Variants in CCDC7 observed in about 807,000 individuals in gnomAD.
CCDC7 encodes coiled-coil domain containing 7.
A neutral mutation model predicts 196.9 loss-of-function variants in CCDC7; 183 were observed. That is an observed-to-expected ratio of 0.93 (90% confidence interval 0.82 to 1.05). The LOEUF (loss-of-function observed/expected upper bound fraction) is 1.05. CCDC7 is among the 50% of genes least tolerant of loss of function. The pLI is 0.00. For synonymous variants in CCDC7, 525 were observed against 484.6 expected (o/e 1.08, Z -1.10); for missense variants, 1,540 against 1,482.2 (o/e 1.04, Z -0.64).
chr10:32,577,994 A>G (rs187571748), intron 16 of CCDC7, among the ~76,000 whole-genome samples: 2 of 152,332 alleles, frequency 1.3e-5, no homozygotes, highest in Admixed American at 1.3e-4. Context: ...AATAACTTGA[A>G]GTATTTTTGC....
rs201444404 is a variant in CCDC7, at chr10:32,476,420, TAATC to T, written c.796+2401_796+2404del. 8.6e-3 allele frequency among the ~76,000 whole-genome samples: 1,307 copies of T among 152,342 alleles called. 28 individuals carry two copies. Among genetic ancestry groups the T allele is most frequent in the African/African-American group, 0.029 (1,207 of 41,576 alleles). ...TTATTTCTTTTTAATTGCTGATAAA[TAATC>T]AATTTATGGATTTACTACAATTTAT... On this transcript the variant is annotated intron_variant, in intron 8 of 41. Coordinates refer to ENST00000639629, the Ensembl canonical transcript of CCDC7.
intron 18 of CCDC7, among the ~76,000 whole-genome samples, chr10:32,598,299 C>T (rs969899611): frequency 4.6e-5 from 7 of 152,256 alleles, no homozygotes; most frequent in South Asian, 4.1e-4. Flanking sequence ...TGGGACCCTC[C>T]GAGTCAGGCA....
chr10:32,565,487 T>C, intron 13 of CCDC7, 71 bp from the exon 15 acceptor site: 1 of 1,502,106 alleles, frequency 6.7e-7, no homozygotes, highest in Non-Finnish European at 9.0e-7. Flanking sequence ...TTTGGAAAAG[T>C]AATACTGGTA....
intron 28 of CCDC7, among the ~76,000 whole-genome samples, chr10:32,753,905 A>G (rs916810693): frequency 6.6e-6 from 1 of 152,140 alleles, no homozygotes; most frequent in African/African-American, 2.4e-5. Context: ...GTGAGTAGAT[A>G]TACATCTGTT....
chr10:32,817,308 A>T (rs1190162947), intron 31 of CCDC7, among the ~76,000 whole-genome samples: 1 of 152,194 alleles, frequency 6.6e-6, no homozygotes, highest in Non-Finnish European at 1.5e-5. Context: ...AAAGAAACAA[A>T]CAAAGCCTTC....
rs1172514874 is a variant in CCDC7, at chr10:32,815,389, C to A, written c.3181+936C>A. On this transcript the variant is annotated intron_variant, in intron 31 of 41. Transcript: ENST00000639629. ...TAACAATCTTTTATCAAATAGATGTCAACATTGTGATGTAAATTAAATTTT... is the reference window on the plus strand; with the variant it reads ...TAACAATCTTTTATCAAATAGATGTAAACATTGTGATGTAAATTAAATTTT... Among the ~76,000 whole-genome samples, 4 of 151,978 alleles carry A rather than the reference C, an allele frequency of 2.6e-5. No homozygotes were observed. In the East Asian group the frequency reaches 7.7e-4, roughly 29 times the overall value.
chr10:32,723,872 T>G (rs938910883), intron 25 of CCDC7, among the ~76,000 whole-genome samples: 1 of 152,094 alleles, frequency 6.6e-6, no homozygotes, highest in Non-Finnish European at 1.5e-5. Flanking sequence ...CAGGCTATCT[T>G]TCAGTGTCAG....
At chr10:32,605,208 C>T (rs2061446732) in intron 18 of CCDC7, among the ~76,000 whole-genome samples, 1 of 152,142 alleles carries the variant, frequency 6.6e-6, no homozygotes, top group African/African-American at 2.4e-5. Flanking sequence ...CTTCACCAGA[C>T]ACCAAGCAGA....
chr10:32,722,916 C>T (rs772157217), intron 25 of CCDC7, among the ~76,000 whole-genome samples: 17 of 152,120 alleles, frequency 1.1e-4, no homozygotes, highest in Non-Finnish European at 2.4e-4. Context: ...GACCACCGTT[C>T]TTCATAGGCA....
rs140602978 is a variant in CCDC7 at position 32,729,068 on chromosome 10, G to A, written c.2779+71G>A. ...CTCATCAGATCTTTTCCTTTGATTC[G>A]TCAGTGTGTACTTCAGACTATATTT... On this transcript the variant is annotated intron_variant, in intron 27 of 41. Transcript: ENST00000639629. 373 of 1,090,086 alleles carry A rather than the reference G, an allele frequency of 3.4e-4. 1 individual carries two copies. In the African/African-American group the frequency reaches 3.6e-3, roughly 11 times the overall value. The allele number at this position is 1,090,086 out of a possible 1,614,324, so 67.5% of individuals were successfully genotyped here.
At chr10:32,704,741 T>G (rs2079396150) in intron 24 of CCDC7, among the ~76,000 whole-genome samples, 1 of 152,184 alleles carries the variant, frequency 6.6e-6, no homozygotes, top group African/African-American at 2.4e-5. Context: ...ACTGCTGCCT[T>G]GCAGTTTGAT....
chr10:32,685,528 G>A (rs552788812), intron 21 of CCDC7, among the ~76,000 whole-genome samples: 13 of 152,148 alleles, frequency 8.5e-5, no homozygotes, highest in African/African-American at 3.1e-4. Flanking sequence ...ATCCATGACT[G>A]TATTCTCTCC....
chr10:32,651,733 T>A (rs2068799851), intron 20 of CCDC7, among the ~76,000 whole-genome samples: 1 of 152,096 alleles, frequency 6.6e-6, no homozygotes, highest in Admixed American at 6.5e-5. Flanking sequence ...GGCTGACACC[T>A]CTCTGGCGGG....
chr10:32,609,743 C>G (rs895301262), intron 18 of CCDC7, among the ~76,000 whole-genome samples: 6 of 152,050 alleles, frequency 3.9e-5, no homozygotes, highest in Admixed American at 3.9e-4. Context: ...TAGTACTGTC[C>G]TTGTGATAGT....
chr10:32,863,600 T>C (rs1270732495), intron 41 of CCDC7, among the ~76,000 whole-genome samples: 2 of 151,908 alleles, frequency 1.3e-5, no homozygotes, highest in Non-Finnish European at 2.9e-5. Context: ...GGCCCAATGA[T>C]CAATTAATTT....
rs528277377 is a variant in CCDC7 at position 32,628,902 on chromosome 10, CT to C, written c.1802-5346del. Among the ~76,000 whole-genome samples the C allele has an allele frequency of 2.2e-3, 341 of 152,130 alleles. 1 individual carries two copies. The highest frequency in any genetic ancestry group is 3.4e-3 in the Non-Finnish European group (229 of 67,964). ...TTCAATCTTCTTAAATTTGCAAAGG[CT>C]TTTTTGTGCCTTATGTGTGATCTTT... On this transcript the variant is annotated intron_variant, in intron 18 of 41. Transcript: ENST00000639629.
At chr10:32,620,925 T>C (rs1436138078) in intron 18 of CCDC7, among the ~76,000 whole-genome samples, 1 of 152,200 alleles carries the variant, frequency 6.6e-6, no homozygotes, top group African/African-American at 2.4e-5. Context: ...AATAATACCA[T>C]TAAGTACAGA....
chr10:32,676,013 C>G (rs1052580282), intron 21 of CCDC7, among the ~76,000 whole-genome samples: 4 of 151,706 alleles, frequency 2.6e-5, no homozygotes, highest in Non-Finnish European at 5.9e-5. Flanking sequence ...ACCAAAAGAG[C>G]ATGGTACTGG....
In CCDC7 at chr10:32,725,208, G is replaced by C. The variant is rs181087561; in HGVS notation, c.2570-1526G>C. 1,317 of 393,474 alleles carry C rather than the reference G, an allele frequency of 3.3e-3. 9 individuals are homozygous for C. The highest frequency in any genetic ancestry group is 8.2e-3 in the Middle Eastern group (14 of 1,700). 24.4% of individuals were successfully genotyped at this position (393,474 alleles called of 1,614,324 possible). ...TTTGTATGTATATATCCTTTCTTTTGTATTTTGAATCCTTTCTCTCGAAGC... is the reference window on the plus strand; with the variant it reads ...TTTGTATGTATATATCCTTTCTTTTCTATTTTGAATCCTTTCTCTCGAAGC... On this transcript the variant is annotated intron_variant, in intron 25 of 41. Transcript: ENST00000639629.
Sources: allele counts gnomAD v4.1 joint callset (sites outside exome capture counted in the v4.1 genomes callset), GRCh38; gene constraint gnomAD v4.1.1; transcripts MANE v1.5; gene names NCBI Gene and HGNC (gene_info 2026-07-23, HGNC 2026-07-21).